The following PLEKHA8 variants were observed in gnomAD, a reference collection of about 807,000 sequenced individuals.
PLEKHA8 encodes pleckstrin homology domain-containing family A member 8.
PLEKHA8 carries 36 observed loss-of-function variants against 68.2 expected under a neutral mutation model. The observed-to-expected ratio is 0.53, with a 90% CI of 0.40 to 0.70. PLEKHA8 has a LOEUF of 0.70. PLEKHA8 is among the 30% of genes least tolerant of loss of function. The pLI, the probability that PLEKHA8 is intolerant of heterozygous loss-of-function variation, is 0.00. For missense variants in PLEKHA8, 505 were observed against 615.4 expected (o/e 0.82, Z 1.90); for synonymous variants, 211 against 216.1 (o/e 0.98, Z 0.20).
downstream of PLEKHA8, among the ~76,000 whole-genome samples, chr7:30,087,523 C>T (rs931712710): frequency 1.3e-5 from 2 of 152,162 alleles, no homozygotes; most frequent in South Asian, 4.1e-4. Flanking sequence ...CACCATTGTT[C>T]TAGTCTCTCA....
chr7:30,042,871 C>T (rs1473661402), intron 1 of PLEKHA8, among the ~76,000 whole-genome samples: 1 of 152,186 alleles, frequency 6.6e-6, no homozygotes, highest in Non-Finnish European at 1.5e-5. Context: ...ACTCCTGGAG[C>T]ACTGATTCTG....
At position 30,060,899 on chromosome 7, in the gene PLEKHA8, C is replaced by G; in HGVS notation, c.1055C>G (p.Thr352Arg). The G allele has an allele frequency of 6.2e-7, 1 of 1,613,184 alleles. No homozygotes were observed. The highest frequency in any genetic ancestry group is 2.2e-5 in the East Asian group (1 of 44,802). The change falls in exon 10 of 14, where the codon ACA becomes AGA. Residue 352 changes from threonine to arginine, a missense_variant. Physicochemically the swap from Thr to Arg is moderately conservative, Grantham distance 71. Coordinates refer to ENST00000449726, the MANE Select transcript of PLEKHA8 (RefSeq NM_001197026.2). ...TTTCTTCTAGACAAACTTGGCCCTA[C>G]AGTGTTTGCTCCTGTTAAGATGGAT... Reference protein sequence around the residue: ...VVPVLDKLGPTVFAPVKMDLV... With the variant: ...VVPVLDKLGPRVFAPVKMDLV...
At chr7:30,050,081 G>A (rs1037268453) in intron 5 of PLEKHA8, among the ~76,000 whole-genome samples, 37 of 152,228 alleles carry the variant, frequency 2.4e-4, no homozygotes, top group African/African-American at 7.0e-4. Flanking sequence ...TATACCTCTA[G>A]TATTTGATAT....
Position 30,101,524 on chromosome 7 carries a change from G to A in PLEKHA8, c.1362+27392G>A, listed in dbSNP as rs146275215. Among the ~76,000 whole-genome samples, 1,190 of 152,142 alleles carry A rather than the reference G, an allele frequency of 7.8e-3. 81 individuals are homozygous for A. Among genetic ancestry groups the A allele is most frequent in the Admixed American group, 0.072 (1,094 of 15,272 alleles). ...GGAAGGAGCAAACAAGCTCTCAGGG[G>A]CCTCTTTTATAAGCACAGCAGTCCC... is the stretch of plus-strand genomic sequence containing the variant. On this transcript the variant is annotated intron_variant, in intron 13 of 13. Coordinates refer to the PLEKHA8 transcript ENST00000396257.
chr7:30,116,441 A>T (rs1267783435), intron 13 of PLEKHA8, among the ~76,000 whole-genome samples: 1 of 151,694 alleles, frequency 6.6e-6, no homozygotes, highest in Non-Finnish European at 1.5e-5. Context: ...AATTCATTAA[A>T]GAACAAACAA....
At chr7:30,101,065 C>T (rs1327077980) in intron 13 of PLEKHA8, among the ~76,000 whole-genome samples, 1 of 151,796 alleles carries the variant, frequency 6.6e-6, no homozygotes, top group African/African-American at 2.4e-5. Context: ...TGGTACACAC[C>T]TGTAGTCACA....
At chr7:30,095,580 T>C (rs1426825591), downstream of PLEKHA8, among the ~76,000 whole-genome samples, 1 of 152,274 alleles carries the variant, frequency 6.6e-6, no homozygotes, top group East Asian at 1.9e-4. Flanking sequence ...TTTGGTGTTT[T>C]AGACATGAAG....
At chr7:30,121,515 G>A (rs1583492310) in intron 13 of PLEKHA8, among the ~76,000 whole-genome samples, 2 of 152,256 alleles carry the variant, frequency 1.3e-5, no homozygotes, top group East Asian at 3.9e-4. Context: ...TATAATCCCA[G>A]CTACTTGGGG....
At chr7:30,109,616 G>A (rs201493005) in intron 13 of PLEKHA8, among the ~76,000 whole-genome samples, 24 of 97,806 alleles carry the variant, frequency 2.5e-4, no homozygotes, top group African/African-American at 4.3e-4. Context: ...AAAAAAAAGA[G>A]AGAGAGATTA....
At chr7:30,114,275 A>G (rs988460579) in intron 13 of PLEKHA8, among the ~76,000 whole-genome samples, 2 of 152,184 alleles carry the variant, frequency 1.3e-5, no homozygotes, top group African/African-American at 4.8e-5. Context: ...ATCACTTTAC[A>G]TATATTAACA....
chr7:30,095,841 G>T (rs899089180), intron 13 of PLEKHA8, among the ~76,000 whole-genome samples: 2 of 152,200 alleles, frequency 1.3e-5, no homozygotes, highest in African/African-American at 4.8e-5. Context: ...TTGTAGATAT[G>T]TGGCATTATT....
chr7:30,076,654 A>C (rs1006965545), intron 13 of PLEKHA8, among the ~76,000 whole-genome samples: 5 of 152,326 alleles, frequency 3.3e-5, no homozygotes, highest in African/African-American at 1.2e-4. Context: ...GAAGGCTTTA[A>C]ATATTATTGC....
chr7:30,068,041 G>A (rs1210971142), intron 12 of PLEKHA8, among the ~76,000 whole-genome samples: 1 of 152,226 alleles, frequency 6.6e-6, no homozygotes, highest in Non-Finnish European at 1.5e-5. Flanking sequence ...AGGGACTCTG[G>A]CTGTCTACAG....
chr7:30,074,828 C>T (rs1042645549), intron 13 of PLEKHA8, among the ~76,000 whole-genome samples: 1 of 152,144 alleles, frequency 6.6e-6, no homozygotes, highest in South Asian at 2.1e-4. Context: ...ACCCACCACC[C>T]TCTTCTTCCC....
At chr7:30,037,573 A>G (rs1791196525) in intron 1 of PLEKHA8, among the ~76,000 whole-genome samples, 1 of 152,194 alleles carries the variant, frequency 6.6e-6, no homozygotes, top group South Asian at 2.1e-4. Context: ...AGAAAAGGAA[A>G]CTAAAGCTGA....
At chr7:30,072,289 C>G (rs993113892) in intron 12 of PLEKHA8, among the ~76,000 whole-genome samples, 4 of 152,150 alleles carry the variant, frequency 2.6e-5, no homozygotes, top group Non-Finnish European at 4.4e-5. Flanking sequence ...ATCTGTTGTT[C>G]TATTTCACAT....
downstream of PLEKHA8, among the ~76,000 whole-genome samples, chr7:30,085,242 G>A (rs1363755940): frequency 6.6e-6 from 1 of 152,038 alleles, no homozygotes; most frequent in Non-Finnish European, 1.5e-5. Context: ...CCAGCCCCAA[G>A]CTCCAAAATT....
intron 9 of PLEKHA8, among the ~76,000 whole-genome samples, chr7:30,055,665 T>C (rs1177473666): frequency 1.3e-5 from 2 of 148,830 alleles, no homozygotes; most frequent in Non-Finnish European, 3.0e-5. Flanking sequence ...AAATGTGTTT[T>C]ACCAGTTAAA....
At chr7:30,047,765 A>G (rs10488085) in intron 3 of PLEKHA8, 67 bp from the exon 4 acceptor site, 348,288 of 1,471,446 alleles carry the variant, frequency 0.24, 43,142 homozygotes, top group African/African-American at 0.4. Flanking sequence ...CCTCTTCTGC[A>G]TAGTATCCTA....
Sources: allele counts gnomAD v4.1 joint callset (sites outside exome capture counted in the v4.1 genomes callset), GRCh38; gene constraint gnomAD v4.1.1; transcripts MANE v1.5; gene names NCBI Gene and HGNC (gene_info 2026-07-23, HGNC 2026-07-21).